The following PLA2G5 variants were observed in gnomAD, a reference collection of about 807,000 sequenced individuals.
PLA2G5 encodes the protein phospholipase A2 group V, also known as Ca2+-dependent phospholipase A2.
Under a neutral mutation model 15.9 loss-of-function variants are expected in PLA2G5, and 12 were observed. The ratio of observed to expected loss-of-function variants is 0.76; its 90% CI spans 0.48 to 1.23. The LOEUF is 1.23. Among genes scored for constraint, PLA2G5 ranks in the 50% most tolerant of loss-of-function variants. The pLI, the probability that PLA2G5 is intolerant of heterozygous loss-of-function variation, is 0.00. For missense variants in PLA2G5, 169 were observed against 177.1 expected (o/e 0.95, Z 0.26); for synonymous variants, 71 against 71.4 (o/e 0.99, Z 0.03).
rs148477123 is a variant in PLA2G5, at chr1:20,077,465, C to T, written c.-11+7000C>T. On this transcript the variant is annotated intron_variant, in intron 1 of 4. Coordinates refer to ENST00000375108, the MANE Select transcript of PLA2G5 (RefSeq NM_000929.3). ...GAGCCAGAGGAGTCGTGCATTCACT[C>T]AGCAAACTCTTACTGAGCACCTACT... is the stretch of plus-strand genomic sequence containing the variant. Among the ~76,000 whole-genome samples the T allele has an allele frequency of 2.0e-5, 3 of 152,240 alleles. No homozygotes were observed. The East Asian group carries it at 5.8e-4, about 29-fold the overall frequency.
chr1:20,083,819 T>G lies in PLA2G5; in HGVS notation c.-10-1002T>G, dbSNP rs893134538. Among the ~76,000 whole-genome samples, 3 of 151,508 alleles carry G rather than the reference T, an allele frequency of 2.0e-5. 1 individual carries two copies. The highest frequency in any genetic ancestry group is 7.3e-5 in the African/African-American group (3 of 40,934). On this transcript the variant is annotated intron_variant, in intron 1 of 4. Coordinates refer to ENST00000375108, the MANE Select transcript of PLA2G5 (RefSeq NM_000929.3). ...AATGGCTGTGTGACCTCTGGCAAGG[T>G]CCCTGAGCTTTCTGAGCCTCAACTT...
At chr1:20,057,783 G>T (rs1206531464) in intron 1 of PLA2G5, among the ~76,000 whole-genome samples, 1 of 152,144 alleles carries the variant, frequency 6.6e-6, no homozygotes, top group Non-Finnish European at 1.5e-5. Context: ...ACAGGCATGA[G>T]CCACCGCACC....
intron 1 of PLA2G5, among the ~76,000 whole-genome samples, chr1:20,079,722 TA>T (rs1357614531): frequency 2.6e-5 from 4 of 152,186 alleles, no homozygotes; most frequent in African/African-American, 9.7e-5. Flanking sequence ...GAGGGGCTCA[TA>T]ATTCTCATGT....
At position 20,084,846 on chromosome 1, in the gene PLA2G5, C is replaced by G; in HGVS notation, c.16C>G (p.Pro6Ala). The change falls in exon 2 of 5, where the codon CCA (proline) becomes GCA (alanine). Residue 6 changes from proline to alanine, a missense_variant. Physicochemically the swap from Pro to Ala is conservative, Grantham distance 27. Coordinates refer to ENST00000375108, the MANE Select transcript of PLA2G5 (RefSeq NM_000929.3). MKGLL[P>A]LAWFLACSVP... Reference sequence around the variant, plus strand: ...AACCCCAGAGATGAAAGGCCTCCTCCCACTGGCTTGGTTCCTGGCTTGTAG... The same window carrying G: ...AACCCCAGAGATGAAAGGCCTCCTCGCACTGGCTTGGTTCCTGGCTTGTAG... The G allele has an allele frequency of 3.7e-6, 6 of 1,610,908 alleles. No individual in the cohort carries two copies. The highest frequency in any genetic ancestry group is 5.1e-6 in the Non-Finnish European group (6 of 1,177,074).
At chr1:20,069,738 A>G (rs960268510), upstream of PLA2G5, among the ~76,000 whole-genome samples, 1 of 152,090 alleles carries the variant, frequency 6.6e-6, no homozygotes, top group Non-Finnish European at 1.5e-5. Flanking sequence ...AGAACTTTCT[A>G]GATTAAAGGA....
intron 1 of PLA2G5, among the ~76,000 whole-genome samples, chr1:20,076,312 C>A (rs1238353204): frequency 6.6e-6 from 1 of 151,926 alleles, no homozygotes; most frequent in African/African-American, 2.4e-5. Flanking sequence ...AGTTTATAAC[C>A]AAAAATCCAG....
chr1:20,052,614 G>A (rs561605785), intron 1 of PLA2G5, among the ~76,000 whole-genome samples: 50 of 152,048 alleles, frequency 3.3e-4, no homozygotes, highest in African/African-American at 1.0e-3. Context: ...TAATAACTTC[G>A]GACCTACTCA....
At chr1:20,054,855 G>C (rs1372929948) in intron 1 of PLA2G5, 1 of 152,154 alleles carries the variant, frequency 6.6e-6, no homozygotes, top group Non-Finnish European at 1.5e-5. Context: ...TGCATACGTA[G>C]TTTTGTTAGG....
upstream of PLA2G5, among the ~76,000 whole-genome samples, chr1:20,067,099 G>A (rs140321298): frequency 0.014 from 2,090 of 152,112 alleles, 44 homozygotes; most frequent in African/African-American, 0.047. Context: ...AGGCTCAAGC[G>A]ATCCTCCCAC....
chr1:20,060,247 C>CTTTTTTTTTTTTTTTTTTTTTTTT (rs71585739), intron 2 of PLA2G5, among the ~76,000 whole-genome samples: 3 of 83,690 alleles, frequency 3.6e-5, no homozygotes, highest in Non-Finnish European at 6.4e-5. Flanking sequence ...CTTTTTTCTT[C>CTTTTTTTTTTTTTTTTTTTTTTTT]TTTTTTTTTT....
intron 1 of PLA2G5, among the ~76,000 whole-genome samples, chr1:20,079,766 G>T (rs1488266231): frequency 6.6e-6 from 1 of 152,164 alleles, no homozygotes; most frequent in Non-Finnish European, 1.5e-5. Flanking sequence ...ATAGTGACTT[G>T]CCCAGGGTCA....
chr1:20,083,711 G>A (rs1189525248), intron 1 of PLA2G5, among the ~76,000 whole-genome samples: 1 of 151,836 alleles, frequency 6.6e-6, no homozygotes, highest in Non-Finnish European at 1.5e-5. Context: ...GACCCCTAAA[G>A]GATTCATGCC....
chr1:20,029,801 T>G (rs1246109004), intron 1 of PLA2G5, among the ~76,000 whole-genome samples: 1 of 152,188 alleles, frequency 6.6e-6, no homozygotes, highest in African/African-American at 2.4e-5. Context: ...CTGAATAGTT[T>G]GGTTGTTAGG....
At chr1:20,057,348 T>C (rs1242678332) in intron 1 of PLA2G5, among the ~76,000 whole-genome samples, 1 of 151,868 alleles carries the variant, frequency 6.6e-6, no homozygotes, top group Non-Finnish European at 1.5e-5. Flanking sequence ...GTGTGTTCAA[T>C]GCTATACATT....
intron 1 of PLA2G5, among the ~76,000 whole-genome samples, chr1:20,082,385 G>A (rs544167998): frequency 1.8e-4 from 28 of 151,824 alleles, no homozygotes; most frequent in Admixed American, 2.6e-4. Flanking sequence ...CTCCCTTGAG[G>A]CGTTCTTCCC....
intron 1 of PLA2G5, among the ~76,000 whole-genome samples, chr1:20,042,787 GA>G (rs893243155): frequency 1.3e-5 from 2 of 152,154 alleles, no homozygotes; most frequent in African/African-American, 4.8e-5. Flanking sequence ...GATCAGCAGG[GA>G]GACCACGTGT....
At chr1:20,070,092 A>G, upstream of PLA2G5, 1 of 574,596 alleles carries the variant, frequency 1.7e-6, no homozygotes, top group Non-Finnish European at 2.2e-6. Context: ...TCAGGACTCA[A>G]ATCCACCCGC....
chr1:20,090,476 A>G, intron 4 of PLA2G5, 92 bp from the exon 5 acceptor site: 1 of 1,335,828 alleles, frequency 7.5e-7, no homozygotes, highest in Non-Finnish European at 1.1e-6. Flanking sequence ...CATCAGGCTG[A>G]AAGCTCCTCG....
intron 3 of PLA2G5, among the ~76,000 whole-genome samples, chr1:20,088,425 A>T (rs1354603854): frequency 6.6e-6 from 1 of 151,816 alleles, no homozygotes; most frequent in Admixed American, 6.6e-5. Context: ...CTGGGACAGA[A>T]AAAGGACATT....
Sources: gnomAD v4.1 joint callset for allele counts (sites outside exome capture counted in the v4.1 genomes callset) on GRCh38, gnomAD v4.1.1 for gene constraint, MANE v1.5 for transcripts, NCBI Gene and HGNC (gene_info 2026-07-23, HGNC 2026-07-21) for gene names.